CACNB2: variants seen among roughly 807,000 people sequenced by gnomAD.
CACNB2 encodes voltage-dependent L-type calcium channel subunit beta-2.
CACNB2 carries 42 observed loss-of-function variants against 73.3 expected under a neutral mutation model. That is an observed-to-expected ratio of 0.57 (90% CI 0.45 to 0.74). CACNB2 has a LOEUF of 0.74. CACNB2 is among the 30% of genes least tolerant of loss of function. The pLI, the probability that CACNB2 is intolerant of heterozygous loss-of-function variation, is 0.00. For synonymous variants in CACNB2, 348 were observed against 310.3 expected, an observed-to-expected ratio of 1.12 and a Z score of -1.28; for missense variants, 940 against 853.0, an observed-to-expected ratio of 1.10 and a Z score of -1.27.
chr10:18,340,573 C>G (rs2041189696), intron 2 of CACNB2: 2 of 620,576 alleles, frequency 3.2e-6, no homozygotes, highest in Non-Finnish European at 4.5e-6. Context: ...CCTGTCGCAT[C>G]TGATACTAAT....
rs1340386134 is a variant in CACNB2, at chr10:18,453,999, T to A, written c.334-44356T>A. On this transcript the variant is annotated intron_variant, in intron 3 of 13. Coordinates refer to ENST00000324631, the MANE Select transcript of CACNB2 (RefSeq NM_201596.3). Reference sequence around the variant, plus strand: ...CTGGAGGCCTGCGTTTGTGTTTCACTTGTTTCTGATTGTACTCCCAGGAAC... The same window carrying A: ...CTGGAGGCCTGCGTTTGTGTTTCACATGTTTCTGATTGTACTCCCAGGAAC... Among the ~76,000 whole-genome samples the A allele has an allele frequency of 2.0e-5, 3 of 152,310 alleles. No homozygotes were observed. In the South Asian group the frequency reaches 6.2e-4, roughly 32 times the overall value.
intron 2 of CACNB2, among the ~76,000 whole-genome samples, chr10:18,393,001 G>A (rs2043549881): frequency 6.6e-6 from 1 of 152,126 alleles, no homozygotes; most frequent in Admixed American, 6.6e-5. Context: ...CTGGGTTCAG[G>A]AGTTCAAGAC....
In CACNB2 at chr10:18,425,020, G is replaced by A. The variant is rs184132220; in HGVS notation, c.333+22977G>A. ...GTATGTGTATCTTTACCTTTACTGG[G>A]CAGTTTTTAAAGTGTTTGCCTTCAT... is the stretch of plus-strand genomic sequence containing the variant. On this transcript the variant is annotated intron_variant, in intron 3 of 13. Coordinates refer to ENST00000324631, the MANE Select transcript of CACNB2 (RefSeq NM_201596.3). 1.7e-3 allele frequency among the ~76,000 whole-genome samples: 257 copies of A among 152,248 alleles called. 2 individuals are homozygous for A. Among genetic ancestry groups the A allele is most frequent in the African/African-American group, 5.7e-3 (237 of 41,540 alleles).
chr10:18,306,505 G>T (rs558387882), intron 2 of CACNB2, among the ~76,000 whole-genome samples: 1 of 152,268 alleles, frequency 6.6e-6, no homozygotes, highest in Admixed American at 6.5e-5. Context: ...GAGGTCCTTG[G>T]AAAATGAAGA....
At chr10:18,305,312 A>G (rs557109952) in intron 2 of CACNB2, among the ~76,000 whole-genome samples, 2 of 152,348 alleles carry the variant, frequency 1.3e-5, no homozygotes, top group South Asian at 2.1e-4. Context: ...GTTAAGTTCA[A>G]TATTCAGAGG....
chr10:18,396,701 C>A (rs966634484), intron 2 of CACNB2, among the ~76,000 whole-genome samples: 6 of 152,182 alleles, frequency 3.9e-5, no homozygotes, highest in African/African-American at 1.4e-4. Context: ...GAACTCCTGA[C>A]CACAGGTGAT....
At chr10:18,480,757 C>T (rs2048682932) in intron 3 of CACNB2, among the ~76,000 whole-genome samples, 1 of 152,074 alleles carries the variant, frequency 6.6e-6, no homozygotes. Flanking sequence ...CGAATTTATC[C>T]CCTGCTGGTG....
At chr10:18,464,634 TG>T (rs2047777263) in intron 3 of CACNB2, among the ~76,000 whole-genome samples, 2 of 152,104 alleles carry the variant, frequency 1.3e-5, no homozygotes, top group Admixed American at 6.6e-5. Context: ...TAAGCCCTGT[TG>T]TTTCTATAAT....
intron 2 of CACNB2, among the ~76,000 whole-genome samples, chr10:18,205,653 A>C (rs2035058297): frequency 6.6e-6 from 1 of 152,194 alleles, no homozygotes; most frequent in African/African-American, 2.4e-5. Flanking sequence ...TCTGATCTCC[A>C]TGACCTCCAA....
At chr10:18,521,224 G>T (rs1023674935) in intron 9 of CACNB2, among the ~76,000 whole-genome samples, 1 of 152,242 alleles carries the variant, frequency 6.6e-6, no homozygotes, top group African/African-American at 2.4e-5. Flanking sequence ...GCATGCACAA[G>T]GTGCAGGTAG....
chr10:18,318,610 T>A (rs955995454), intron 2 of CACNB2, among the ~76,000 whole-genome samples: 1 of 152,162 alleles, frequency 6.6e-6, no homozygotes, highest in Non-Finnish European at 1.5e-5. Flanking sequence ...AAATGGGATC[T>A]AATTAAACTA....
intron 2 of CACNB2, among the ~76,000 whole-genome samples, chr10:18,270,534 C>T (rs1199070256): frequency 6.6e-6 from 1 of 152,146 alleles, no homozygotes; most frequent in Non-Finnish European, 1.5e-5. Context: ...AATATGAGTG[C>T]AATCTGAGCA....
At chr10:18,189,870 A>G (rs567680769) in intron 2 of CACNB2, among the ~76,000 whole-genome samples, 1 of 152,336 alleles carries the variant, frequency 6.6e-6, no homozygotes, top group South Asian at 2.1e-4. Context: ...AGATCTTTGC[A>G]TGTTTACTAG....
chr10:18,338,923 A>G (rs1379106578), intron 2 of CACNB2, among the ~76,000 whole-genome samples: 1 of 151,552 alleles, frequency 6.6e-6, no homozygotes, highest in Non-Finnish European at 1.5e-5. Flanking sequence ...ATTTTTTTGC[A>G]GAGACGGGGT....
chr10:18,338,471 C>A (rs1190677961), intron 2 of CACNB2, among the ~76,000 whole-genome samples: 1 of 152,064 alleles, frequency 6.6e-6, no homozygotes, highest in Non-Finnish European at 1.5e-5. Flanking sequence ...TCTCAAGGTA[C>A]CTTAAAGTTC....
chr10:18,540,617 C>A lies in CACNB2; in HGVS notation c.*893C>A, dbSNP rs1377385627. ...TAAATATAAAACTCCAGAGGTTGTT[C>A]TACTCCATACAGTTCACACTGATTG... On this transcript the variant is annotated 3_prime_UTR_variant, in exon 14 of 14. Transcript: ENST00000324631. 6.6e-6 allele frequency: 1 copy of A among 152,514 alleles called. No individual in the cohort carries two copies. The highest frequency in any genetic ancestry group is 1.5e-5 in the Non-Finnish European group (1 of 68,032). The allele number at this position is 152,514 out of a possible 1,614,324, so 9.4% of individuals were successfully genotyped here.
chr10:18,265,866 T>G (rs2037775475), intron 2 of CACNB2, among the ~76,000 whole-genome samples: 1 of 152,198 alleles, frequency 6.6e-6, no homozygotes, highest in Non-Finnish European at 1.5e-5. Context: ...TGCTGTCTAC[T>G]TGGTTGCTGC....
At chr10:18,400,557 G>T (rs1005236582) in intron 2 of CACNB2, 2 of 1,019,094 alleles carry the variant, frequency 2.0e-6, no homozygotes, top group Non-Finnish European at 2.4e-6. Context: ...TCCTCCCTCC[G>T]CCTCCCCCCT....
At chr10:18,503,460 G>A (rs538262423) in intron 5 of CACNB2, among the ~76,000 whole-genome samples, 1 of 152,132 alleles carries the variant, frequency 6.6e-6, no homozygotes, top group South Asian at 2.1e-4. Context: ...GCTGGGTGTG[G>A]TGGTGCACAC....
Sources: allele counts gnomAD v4.1 joint callset (sites outside exome capture counted in the v4.1 genomes callset), GRCh38; gene constraint gnomAD v4.1.1; transcripts MANE v1.5; gene names NCBI Gene and HGNC (gene_info 2026-07-23, HGNC 2026-07-21).